Variants in ADGRV1 observed in about 807,000 individuals in gnomAD.
ADGRV1 encodes G-protein coupled receptor 98.
In ADGRV1, 359 loss-of-function variants were observed where a neutral mutation model predicts 596.2. The ratio of observed to expected loss-of-function variants is 0.60; its 90% CI spans 0.55 to 0.66. The LOEUF (loss-of-function observed/expected upper bound fraction) is 0.66. Ranked by LOEUF, ADGRV1 falls within the 30% of genes least tolerant of loss-of-function variation. The pLI is 0.00. For missense variants in ADGRV1, 7,274 were observed against 7,575.6 expected (o/e 0.96, Z 1.48); for synonymous variants, 2,681 against 2,679.2 (o/e 1.00, Z -0.02).
rs778809381 is a variant in ADGRV1, at chr5:90,683,807, T to C, written c.5886T>C (p.His1962=). Residue 1962 remains histidine (H), a synonymous_variant, in exon 28 of 90, where the codon CAT becomes CAC. Transcript: ENST00000405460. ...LSVSSGSLGA[H]INATLTVLAS... ...TTTCCAGTGGTTCTTTGGGAGCTCA[T>C]ATTAATGCCACGTTAACAGTTTTGG... 3 of 1,613,922 alleles carry C rather than the reference T, an allele frequency of 1.9e-6. No individual in the cohort carries two copies. The highest frequency in any genetic ancestry group is 2.5e-6 in the Non-Finnish European group (3 of 1,179,878).
intron 39 of ADGRV1, among the ~76,000 whole-genome samples, chr5:90,709,943 T>A (rs566227834): frequency 1.3e-5 from 2 of 152,362 alleles, no homozygotes; most frequent in East Asian, 1.9e-4. Flanking sequence ...TACATTCTTC[T>A]CATTTTACAG....
At chr5:91,105,453 C>T (rs1791776014) in intron 87 of ADGRV1, among the ~76,000 whole-genome samples, 3 of 152,170 alleles carry the variant, frequency 2.0e-5, no homozygotes, top group African/African-American at 7.2e-5. Flanking sequence ...ATATTCCCAC[C>T]AGCGGTGTAG....
chr5:90,596,826 AGAGGGC>A (rs369770188), intron 1 of ADGRV1, among the ~76,000 whole-genome samples: 3 of 147,706 alleles, frequency 2.0e-5, no homozygotes, highest in Non-Finnish European at 4.4e-5. Context: ...AGGGCGAGGG[AGAGGGC>A]GAGGGAGAGG....
chr5:90,757,815 A>G (rs967172741), intron 57 of ADGRV1, among the ~76,000 whole-genome samples: 6 of 152,342 alleles, frequency 3.9e-5, no homozygotes, highest in Non-Finnish European at 8.8e-5. Context: ...GAAAAGGCAT[A>G]TGAACAACCA....
intron 20 of ADGRV1, chr5:90,655,728 G>A (rs1288234796): frequency 6.6e-6 from 1 of 151,874 alleles, no homozygotes; most frequent in East Asian, 1.9e-4. Flanking sequence ...TTGGTTTGTA[G>A]TGGCATCTCA....
intron 87 of ADGRV1, among the ~76,000 whole-genome samples, chr5:91,127,481 T>G (rs1275031096): frequency 6.7e-6 from 1 of 149,968 alleles, no homozygotes; most frequent in Non-Finnish European, 1.5e-5. Flanking sequence ...AAGGCTACAG[T>G]TAGCTCTGAT....
intron 2 of ADGRV1, among the ~76,000 whole-genome samples, chr5:90,615,598 A>G (rs920539547): frequency 2.0e-5 from 3 of 151,920 alleles, no homozygotes; most frequent in Admixed American, 2.0e-4. Flanking sequence ...GAGTATTGCT[A>G]TATTTGAGTC....
At chr5:91,056,496 A>G (rs1228245707) in intron 85 of ADGRV1, among the ~76,000 whole-genome samples, 1 of 152,168 alleles carries the variant, frequency 6.6e-6, no homozygotes, top group Non-Finnish European at 1.5e-5. Flanking sequence ...AGAAGATGAC[A>G]CTTCAAAACG....
Position 90,763,310 on chromosome 5 carries a change from G to T in ADGRV1, c.12126G>T (p.Met4042Ile). 6.5e-7 allele frequency: 1 copy of T among 1,547,200 alleles called. No homozygotes were observed. Among genetic ancestry groups the T allele is most frequent in the South Asian group, 1.2e-5 (1 of 80,556 alleles). ...GVFGFEEKTV[M>I]IDESLSSDDP... ...ACTGAATTTTCTTCTTTCAGGTAAT[G>T]ATTGATGAATCCCTTTCATCCGATG... is the stretch of plus-strand genomic sequence containing the variant. The change falls in exon 59 of 90, where the codon ATG (methionine) becomes ATT (isoleucine). Residue 4042 changes from methionine (M) to isoleucine (I), a missense_variant. This residue lies in a region of ADGRV1 where 3,643 missense variants were observed against 3,809.2 expected (regional missense o/e 0.96). Transcript: ENST00000405460.
chr5:91,000,891 G>T (rs950017644), intron 85 of ADGRV1, among the ~76,000 whole-genome samples: 2 of 151,994 alleles, frequency 1.3e-5, no homozygotes, highest in Non-Finnish European at 2.9e-5. Context: ...TCTGTTACTC[G>T]GGGAAGGATC....
rs727504560 is a variant in ADGRV1 at position 90,705,534 on chromosome 5, A to G, written c.8521A>G (p.Asn2841Asp). 5.6e-6 allele frequency: 9 copies of G among 1,613,782 alleles called. No individual in the cohort carries two copies. The Admixed American group carries it at 1.3e-4, about 24-fold the overall frequency. ...AAGATTTGTGTTACTACAAGAGGCT[A>G]ACATAACAATTCAGCTTTTCATCAA... is the stretch of plus-strand genomic sequence containing the variant. Reference protein sequence around the residue: ...SSRFVLLQEANITIQLFINRE... With the variant: ...SSRFVLLQEADITIQLFINRE... The change falls in exon 37 of 90, where the codon AAC (asparagine) becomes GAC (aspartate). Residue 2841 changes from asparagine to aspartate, a missense_variant. Transcript: ENST00000405460.
At position 90,642,848 on chromosome 5, in the gene ADGRV1, T is replaced by A; in HGVS notation, c.2368-8T>A. The stretch of plus-strand genomic sequence containing the variant: ...AGGGTTTCAACTTTTGTGGATTTGT[T>A]TTTAAAGGAAGGAGAATCTGTAGAG... On this transcript the variant is annotated splice_region_variant and splice_polypyrimidine_tract_variant and intron_variant, in intron 12 of 89. Coordinates refer to ENST00000405460, the MANE Select transcript of ADGRV1 (RefSeq NM_032119.4). 1.9e-6 allele frequency: 3 copies of A among 1,597,804 alleles called. No individual in the cohort carries two copies. The highest frequency in any genetic ancestry group is 2.6e-6 in the Non-Finnish European group (3 of 1,173,576).
chr5:90,864,829 CTTCTGCAATGCAGACAA>C (rs1239475505), intron 83 of ADGRV1, among the ~76,000 whole-genome samples: 1 of 152,088 alleles, frequency 6.6e-6, no homozygotes, highest in African/African-American at 2.4e-5. Flanking sequence ...TGGGGAGACA[CTTCTGCAATGCAGACAA>C]TACTCTATTG....
intron 83 of ADGRV1, among the ~76,000 whole-genome samples, chr5:90,912,684 C>T (rs1482312543): frequency 1.3e-5 from 2 of 152,078 alleles, no homozygotes; most frequent in African/African-American, 4.8e-5. Context: ...GTTTTCTGTT[C>T]ATGTGTTAAT....
intron 85 of ADGRV1, among the ~76,000 whole-genome samples, chr5:91,035,263 T>C (rs1784772151): frequency 6.6e-6 from 1 of 152,204 alleles, no homozygotes; most frequent in South Asian, 2.1e-4. Context: ...TTCCTCACTT[T>C]CTGTTGAAAA....
intron 27 of ADGRV1, among the ~76,000 whole-genome samples, chr5:90,682,987 T>C (rs1167389654): frequency 6.6e-6 from 1 of 152,222 alleles, no homozygotes; most frequent in Non-Finnish European, 1.5e-5. Context: ...AGATCACTTT[T>C]CAGAAAAACA....
chr5:90,579,513 G>T (rs1757695344), intron 1 of ADGRV1, among the ~76,000 whole-genome samples: 1 of 152,178 alleles, frequency 6.6e-6, no homozygotes, highest in Non-Finnish European at 1.5e-5. Flanking sequence ...GCTGAGGAGT[G>T]CTTTGGTTCC....
At chr5:90,935,651 G>A (rs1164309872) in intron 83 of ADGRV1, among the ~76,000 whole-genome samples, 1 of 152,076 alleles carries the variant, frequency 6.6e-6, no homozygotes, top group Non-Finnish European at 1.5e-5. Context: ...AAGTCTGTGG[G>A]CCCCACAAAA....
chr5:90,597,968 T>G (rs1354911122), intron 1 of ADGRV1, among the ~76,000 whole-genome samples: 4 of 152,172 alleles, frequency 2.6e-5, no homozygotes, highest in Admixed American at 6.5e-5. Flanking sequence ...CAGTTAATAT[T>G]GATGGGGAAT....
Sources: allele counts gnomAD v4.1 joint callset (sites outside exome capture counted in the v4.1 genomes callset), GRCh38; gene constraint gnomAD v4.1.1; regional missense constraint gnomAD v4.1.1; transcripts MANE v1.5; gene names NCBI Gene and HGNC (gene_info 2026-07-23, HGNC 2026-07-21).